The following FDXACB1 variants were observed in gnomAD, a reference collection of about 807,000 sequenced individuals.
FDXACB1 encodes the protein ferredoxin-fold anticodon-binding domain-containing protein 1.
Under a neutral mutation model 51.7 loss-of-function variants are expected in FDXACB1, and 41 were observed. The observed-to-expected ratio is 0.79, with a 90% CI of 0.62 to 1.03. FDXACB1 has a LOEUF of 1.03. FDXACB1 is among the 50% of genes least tolerant of loss of function. FDXACB1 has a pLI of 0.00. For missense variants in FDXACB1, 697 were observed against 746.4 expected, an observed-to-expected ratio of 0.93 and a Z score of 0.77; for synonymous variants, 273 against 278.6, an observed-to-expected ratio of 0.98 and a Z score of 0.20.
chr11:111,876,644 C>G lies in FDXACB1; in HGVS notation c.534-5G>C, dbSNP rs782740584. 5 of 1,609,680 alleles carry G rather than the reference C, an allele frequency of 3.1e-6. No individual in the cohort carries two copies. In the Admixed American group the frequency reaches 6.8e-5, roughly 22 times the overall value. ...TGAAAGGACTTATCTTGACTCCTGG[C>G]AAAATAGACACCAATATGAAGTCTG... On this transcript the variant is annotated splice_region_variant and splice_polypyrimidine_tract_variant and intron_variant, in intron 3 of 4. Coordinates refer to ENST00000260257, the MANE Select transcript of FDXACB1 (RefSeq NM_138378.3).
intron 2 of FDXACB1, 87 bp from the exon 3 acceptor site, chr11:111,877,098 G>C (rs1189415193): frequency 1.5e-6 from 2 of 1,320,248 alleles, no homozygotes; most frequent in Non-Finnish European, 1.0e-6. Context: ...TGGTTTGCCT[G>C]TGAAATAATT....
Position 111,874,617 on chromosome 11 carries a change from T to G in FDXACB1, c.*305A>C. The stretch of plus-strand genomic sequence containing the variant: ...TACAAAAAAAAAAATTAGCCAGGCG[T>G]GGTGGCAGGTGCCTGTAGTCCCAGC... On this transcript the variant is annotated 3_prime_UTR_variant, in exon 5 of 5. Transcript: ENST00000260257. 4.2e-6 allele frequency: 1 copy of G among 238,098 alleles called. No individual in the cohort carries two copies. 14.7% of individuals were successfully genotyped at this position (238,098 alleles called of 1,614,324 possible).
chr11:111,876,180 A>G, intron 4 of FDXACB1, 76 bp from the exon 5 acceptor site: 1 of 1,209,668 alleles, frequency 8.3e-7, no homozygotes, highest in South Asian at 1.5e-5. Flanking sequence ...AATTAAAAAT[A>G]CAAATAGCTG....
chr11:111,874,879 C>T lies in FDXACB1; in HGVS notation c.*43G>A, dbSNP rs181755823. On this transcript the variant is annotated 3_prime_UTR_variant, in exon 5 of 5. Transcript: ENST00000260257. ...GCAAGTTGGTAATTTTCCTCCACAT[C>T]CCCCGCAATGAAGGATCACACTGCA... is the stretch of plus-strand genomic sequence containing the variant. 23 of 1,540,490 alleles carry T rather than the reference C, an allele frequency of 1.5e-5. No individual in the cohort carries two copies. In the East Asian group the frequency reaches 5.2e-4, roughly 35 times the overall value.
chr11:111,876,498 AAGTGCTTCT>A lies in FDXACB1; in HGVS notation c.666_674del (p.Glu223_Leu225del), dbSNP rs782362534. 1 of 1,613,668 alleles carries A rather than the reference AAGTGCTTCT, an allele frequency of 6.2e-7. No homozygotes were observed. Among genetic ancestry groups the A allele is most frequent in the Non-Finnish European group, 8.5e-7 (1 of 1,179,764 alleles). On this transcript the variant is annotated inframe_deletion, in exon 4 of 5. Coordinates refer to ENST00000260257, the MANE Select transcript of FDXACB1 (RefSeq NM_138378.3). ...CTGGTTACCTGTTCAACTTTCCTAC[AAGTGCTTCT>A]GGTTCTGGAAAGGAAAACCACTGGT...
chr11:111,875,563 G>T lies in FDXACB1; in HGVS notation c.1234C>A (p.Leu412Met), dbSNP rs369642482. Residue 412 changes from leucine (L) to methionine (M), a missense_variant, in exon 5 of 5, where the codon CTG (leucine) becomes ATG (methionine). Physicochemically the swap from Leu to Met is conservative, Grantham distance 15. This residue lies in a region of FDXACB1 where 538 missense variants were observed against 592.2 expected (regional missense o/e 0.91). Coordinates refer to ENST00000260257, the MANE Select transcript of FDXACB1 (RefSeq NM_138378.3). ...NLKDGCLQSL[L>M]DHLKGILDSL... Reference sequence around the variant, plus strand: ...TCTAGAATGCCCTTCAGATGATCCAGCAGTGATTGAAGACAGCCATCCTTC... The same window carrying T: ...TCTAGAATGCCCTTCAGATGATCCATCAGTGATTGAAGACAGCCATCCTTC... The T allele has an allele frequency of 6.8e-6, 11 of 1,611,430 alleles. No homozygotes were observed. Among genetic ancestry groups the T allele is most frequent in the Non-Finnish European group, 9.3e-6 (11 of 1,179,550 alleles).
At position 111,875,905 on chromosome 11, in the gene FDXACB1, A is replaced by T; in HGVS notation, c.892T>A (p.Ser298Thr). The T allele has an allele frequency of 6.2e-7, 1 of 1,613,910 alleles. No homozygotes were observed. Among genetic ancestry groups the T allele is most frequent in the South Asian group, 1.1e-5 (1 of 91,080 alleles). ...AFWISLHEDN[S>T]NSESLTGGTS... is the part of the protein sequence containing the mutation. The stretch of plus-strand genomic sequence containing the variant: ...CCACCAGTCAGGGACTCAGAATTTG[A>T]GTTATCTTCATGGAGACTAATCCAA... The change falls in exon 5 of 5, where the codon TCA (serine) becomes ACA (threonine). Residue 298 changes from serine (S) to threonine (T), a missense_variant. Ser to Thr is a moderately conservative substitution (Grantham distance 58, BLOSUM62 1). Coordinates refer to ENST00000260257, the MANE Select transcript of FDXACB1 (RefSeq NM_138378.3).
In FDXACB1 at chr11:111,878,576, C is replaced by T. The variant is rs1566371735; in HGVS notation, c.309G>A (p.Leu103=). Residue 103 remains leucine (L), a synonymous_variant, in exon 2 of 5, where the codon CTG becomes CTA. Transcript: ENST00000260257. ...CTCACCTTTGGAAAAATTTGGCAAG[C>T]AGTTCCCTGTTCTTAGCTACGCCAG... is the stretch of plus-strand genomic sequence containing the variant. ...RKAGVAKNRE[L]LAKFFQSCAD... The T allele has an allele frequency of 6.3e-7, 1 of 1,595,838 alleles. No homozygotes were observed. Among genetic ancestry groups the T allele is most frequent in the Admixed American group, 1.8e-5 (1 of 56,596 alleles).
intron 4 of FDXACB1, 134 bp from the exon 5 acceptor site, chr11:111,876,238 A>G: frequency 1.1e-6 from 1 of 940,440 alleles, no homozygotes; most frequent in South Asian, 1.8e-5. Context: ...AAACAAAGAA[A>G]TCATCTACCA....
In FDXACB1 at chr11:111,876,140, T is replaced by G. The variant is rs1964810544; in HGVS notation, c.693-36A>C. ...ACACACAAAAATAACTTTTCTAACT[T>G]AAGATAGTAAATAATTATAATGTAG... On this transcript the variant is annotated intron_variant, in intron 4 of 4. Transcript: ENST00000260257. 3 of 1,454,004 alleles carry G rather than the reference T, an allele frequency of 2.1e-6. No individual in the cohort carries two copies. The East Asian group carries it at 6.8e-5, about 33-fold the overall frequency. The allele number at this position is 1,454,004 out of a possible 1,614,324, so 90.1% of individuals were successfully genotyped here.
chr11:111,877,436 A>G (rs974064612), intron 2 of FDXACB1, among the ~76,000 whole-genome samples: 1 of 152,110 alleles, frequency 6.6e-6, no homozygotes, highest in Admixed American at 6.6e-5. Flanking sequence ...GACACCTCCA[A>G]TAGTATCATG....
At chr11:111,878,038 T>A (rs1162945705) in intron 2 of FDXACB1, among the ~76,000 whole-genome samples, 4 of 151,794 alleles carry the variant, frequency 2.6e-5, no homozygotes, top group Middle Eastern at 3.4e-3. Context: ...ATACAAAAAA[T>A]TAGCTGGGCG....
In FDXACB1 at chr11:111,875,122, C is replaced by T. The variant is rs1964782173; in HGVS notation, c.1675G>A (p.Ala559Thr). 1.2e-6 allele frequency: 2 copies of T among 1,613,730 alleles called. No individual in the cohort carries two copies. The highest frequency in any genetic ancestry group is 2.7e-5 in the African/African-American group (2 of 74,926). ...GFDELEFHTVARAVSQDTIIS... is the reference protein window; with the variant it reads ...GFDELEFHTVTRAVSQDTIIS... ...ATAGTGTCCTGAGACACTGCTCGGG[C>T]CACAGTGTGAAACTCTAGTTCATCA... Residue 559 changes from alanine to threonine, a missense_variant, in exon 5 of 5, where the codon GCC (alanine) becomes ACC (threonine). Ala to Thr is a moderately conservative substitution (Grantham distance 58, BLOSUM62 0). This residue lies in a region of FDXACB1 where 538 missense variants were observed against 592.2 expected (regional missense o/e 0.91). Transcript: ENST00000260257.
At position 111,878,944 on chromosome 11, in the gene FDXACB1, AG is replaced by A; in HGVS notation, c.172+16del. 6.3e-7 allele frequency: 1 copy of A among 1,581,248 alleles called. No homozygotes were observed. The highest frequency in any genetic ancestry group is 8.6e-7 in the Non-Finnish European group (1 of 1,165,760). ...CCGGCCGCTGGGCGGGGTTTCGCAG[AG>A]GGGCGGGCTCGCTACCTCGCTCGCG... On this transcript the variant is annotated intron_variant, in intron 1 of 4. Transcript: ENST00000260257.
rs782077887 is a variant in FDXACB1, at chr11:111,875,117, T to C, written c.1680A>G (p.Arg560=). 1.2e-6 allele frequency: 2 copies of C among 1,613,874 alleles called. No individual in the cohort carries two copies. The highest frequency in any genetic ancestry group is 4.5e-5 in the East Asian group (2 of 44,886). ...FDELEFHTVA[R]AVSQDTIISI... ...ATATAATAGTGTCCTGAGACACTGC[T>C]CGGGCCACAGTGTGAAACTCTAGTT... Residue 560 remains arginine (R), a synonymous_variant, in exon 5 of 5, where the codon CGA becomes CGG. Coordinates refer to ENST00000260257, the MANE Select transcript of FDXACB1 (RefSeq NM_138378.3).
At position 111,876,998 on chromosome 11, in the gene FDXACB1, G is replaced by A; in HGVS notation, c.343C>T (p.Leu115Phe). 2.5e-6 allele frequency: 4 copies of A among 1,586,308 alleles called. No individual in the cohort carries two copies. Among genetic ancestry groups the A allele is most frequent in the Non-Finnish European group, 3.4e-6 (4 of 1,165,212 alleles). The change falls in exon 3 of 5, where the codon CTT becomes TTT. Residue 115 changes from leucine to phenylalanine, a missense_variant. Physicochemically the swap from Leu to Phe is conservative, Grantham distance 22 (BLOSUM62 0). Around this residue, in one of 3 missense-constraint regions of FDXACB1, gnomAD observed 6 missense variants for 20.7 expected, o/e 0.29. Transcript: ENST00000260257. Reference sequence around the variant, plus strand: ...ACGTGGACTTCTCCTTCCTCTGCAAGAACGTCTGCACAGCTAATAGGGAGA... The same window carrying A: ...ACGTGGACTTCTCCTTCCTCTGCAAAAACGTCTGCACAGCTAATAGGGAGA... ...AKFFQSCADV[L>F]AEEGEVHVAL...
rs1555162168 is a variant in FDXACB1, at chr11:111,876,537, C to T, written c.636G>A (p.Leu212=). The T allele has an allele frequency of 6.2e-7, 1 of 1,614,028 alleles. No homozygotes were observed. The highest frequency in any genetic ancestry group is 8.5e-7 in the Non-Finnish European group (1 of 1,179,878). The change falls in exon 4 of 5, where the codon CTG becomes CTA. Residue 212 remains leucine, a synonymous_variant. Transcript: ENST00000260257. ...GSQPRIFRIK[L]GNQWFSFPEP... ...CTGGAAAGGAAAACCACTGGTTACC[C>T]AGTTTGATCCTGAAGATTCTGGGTT...
chr11:111,876,499 A>G lies in FDXACB1; in HGVS notation c.674T>C (p.Leu225Pro), dbSNP rs782282119. 4 of 1,613,546 alleles carry G rather than the reference A, an allele frequency of 2.5e-6. No homozygotes were observed. The South Asian group carries it at 4.4e-5, about 18-fold the overall frequency. ...TGGTTACCTGTTCAACTTTCCTACA[A>G]GTGCTTCTGGTTCTGGAAAGGAAAA... The part of the protein sequence containing the change: ...QWFSFPEPEA[L>P]VGKLNRGFLE... The change falls in exon 4 of 5, where the codon CTT (leucine) becomes CCT (proline). Residue 225 changes from leucine (L) to proline (P), a missense_variant. Around this residue, in one of 3 missense-constraint regions of FDXACB1, gnomAD observed 538 missense variants for 592.2 expected, o/e 0.91. Transcript: ENST00000260257.
rs782276335 is a variant in FDXACB1 at position 111,874,976 on chromosome 11, C to T, written c.1821G>A (p.Met607Ile). The change falls in exon 5 of 5, where the codon ATG becomes ATA. Residue 607 changes from methionine (M) to isoleucine (I), a missense_variant. Transcript: ENST00000260257. Reference sequence around the variant, plus strand: ...GAATCTCCTTCCTAAACTGGGACTGCATTGATGCTACTTGCTGCTGGGTGA... The same window carrying T: ...GAATCTCCTTCCTAAACTGGGACTGTATTGATGCTACTTGCTGCTGGGTGA... ...KALTQQQVASMQSQFRKEIQQ... is the reference protein window; with the variant it reads ...KALTQQQVASIQSQFRKEIQQ... 4 of 1,613,868 alleles carry T rather than the reference C, an allele frequency of 2.5e-6. No individual in the cohort carries two copies. Among genetic ancestry groups the T allele is most frequent in the Non-Finnish European group, 3.4e-6 (4 of 1,179,894 alleles).
Sources: allele counts gnomAD v4.1 joint callset (sites outside exome capture counted in the v4.1 genomes callset), GRCh38; gene constraint gnomAD v4.1.1; regional missense constraint gnomAD v4.1.1; transcripts MANE v1.5; gene names NCBI Gene and HGNC (gene_info 2026-07-23, HGNC 2026-07-21).